Variants in HYDIN observed in about 807,000 individuals in gnomAD.
HYDIN encodes the protein HYDIN axonemal central pair apparatus protein, also known as axonemal central pair apparatus protein HYDIN.
HYDIN carries 132 observed loss-of-function variants against 403.9 expected under a neutral mutation model. The ratio of observed to expected loss-of-function variants is 0.33; its 90% CI spans 0.28 to 0.38. The LOEUF (loss-of-function observed/expected upper bound fraction) is 0.38, where lower values mean the gene tolerates loss of function less well. Among genes scored for constraint, HYDIN ranks in the 10% least tolerant of loss-of-function variants. The probability of loss-of-function intolerance (pLI) is 1.00; values close to 1 mark genes in which losing one functional copy is unlikely to be tolerated. For missense variants in HYDIN, 2,827 were observed against 5,009.5 expected (o/e 0.56, Z 13.15); for synonymous variants, 1,202 against 1,891.7 (o/e 0.64, Z 9.46).
intron 50 of HYDIN, among the ~76,000 whole-genome samples, chr16:70,904,481 T>C (rs2076475237): frequency 4.7e-5 from 1 of 21,192 alleles, no homozygotes; most frequent in Non-Finnish European, 8.7e-5. Context: ...TGAGTAACTT[T>C]TTTTTTTTTT....
chr16:70,916,904 C>T (rs1220152800), intron 47 of HYDIN, among the ~76,000 whole-genome samples: 4 of 151,318 alleles, frequency 2.6e-5, no homozygotes, highest in African/African-American at 9.7e-5. Flanking sequence ...TCCCCTCTCT[C>T]TCTTCTATTC....
intron 7 of HYDIN, among the ~76,000 whole-genome samples, chr16:71,138,212 G>A (rs979471345): frequency 2.6e-5 from 3 of 113,332 alleles, no homozygotes; most frequent in African/African-American, 1.3e-4. Context: ...AATAAATATC[G>A]AAATACCATG....
intron 10 of HYDIN, among the ~76,000 whole-genome samples, chr16:71,112,386 ACTGAT>A (rs1214516905): frequency 6.9e-6 from 1 of 144,320 alleles, no homozygotes; most frequent in Non-Finnish European, 1.5e-5. Flanking sequence ...TCAGGAGGTG[ACTGAT>A]CTGAATTAAA....
intron 5 of HYDIN, 97 bp downstream of exon 5, chr16:71,175,510 C>T (rs1412779915): frequency 1.1e-5 from 14 of 1,281,980 alleles, no homozygotes; most frequent in African/African-American, 1.5e-5. Flanking sequence ...CCACCACCAC[C>T]ACCACCACCA....
At chr16:70,909,275 A>C (rs1465242935) in intron 47 of HYDIN, among the ~76,000 whole-genome samples, 1 of 152,188 alleles carries the variant, frequency 6.6e-6, no homozygotes, top group Non-Finnish European at 1.5e-5. Flanking sequence ...ATACATGAAA[A>C]GAAAATCTTA....
intron 52 of HYDIN, among the ~76,000 whole-genome samples, chr16:70,902,674 A>G (rs1284714839): frequency 1.4e-5 from 2 of 148,030 alleles, no homozygotes; most frequent in African/African-American, 2.5e-5. Flanking sequence ...CCGAAGTCAC[A>G]GATTTAGTGG....
At position 70,803,172 on chromosome 16, in the gene HYDIN, C is replaced by T. The variant is rs1276372612; in HGVS notation, c.*4408G>A. Among the ~76,000 whole-genome samples the T allele has an allele frequency of 6.6e-6, 1 of 151,564 alleles. No individual in the cohort carries two copies. Among genetic ancestry groups the T allele is most frequent in the Non-Finnish European group, 1.5e-5 (1 of 67,892 alleles). Reference sequence around the variant, plus strand: ...CAAACAATAAGGAATTTTTTTTTTACCAGAAGTATTCTTTTCTCCTGAAAT... The same window carrying T: ...CAAACAATAAGGAATTTTTTTTTTATCAGAAGTATTCTTTTCTCCTGAAAT... On this transcript the variant is annotated 3_prime_UTR_variant, in exon 86 of 86. Coordinates refer to ENST00000393567, the MANE Select transcript of HYDIN (RefSeq NM_001270974.2).
At chr16:70,931,942 G>A (rs1318381760) in intron 45 of HYDIN, among the ~76,000 whole-genome samples, 3 of 137,858 alleles carry the variant, frequency 2.2e-5, no homozygotes, top group Non-Finnish European at 4.7e-5. Context: ...TTGAACCCAG[G>A]AGGTGGAGGT....
intron 84 of HYDIN, among the ~76,000 whole-genome samples, chr16:70,810,234 T>C (rs2035388893): frequency 6.6e-6 from 1 of 152,270 alleles, no homozygotes; most frequent in East Asian, 1.9e-4. Context: ...TCTATGAATC[T>C]AAGTGCAGGT....
intron 18 of HYDIN, among the ~76,000 whole-genome samples, chr16:71,034,893 GA>G (rs904636974): frequency 2.1e-5 from 3 of 144,328 alleles, no homozygotes; most frequent in South Asian, 2.2e-4. Context: ...CATAGAAATA[GA>G]AAAAAAAACA....
rs1214270431 is a variant in HYDIN at position 71,186,749 on chromosome 16, C to T, written c.135+12G>A. 23 of 1,606,110 alleles carry T rather than the reference C, an allele frequency of 1.4e-5. No homozygotes were observed. The highest frequency in any genetic ancestry group is 2.2e-5 in the South Asian group (2 of 90,028). On this transcript the variant is annotated intron_variant, in intron 2 of 85. Transcript: ENST00000393567. ...ATTAAGTATTTTACATATTAATTCC[C>T]GGATACATTACCATTCGGTTTACTT...
chr16:71,024,346 G>A (rs915791697), intron 21 of HYDIN, among the ~76,000 whole-genome samples: 1 of 152,060 alleles, frequency 6.6e-6, no homozygotes, highest in African/African-American at 2.4e-5. Context: ...CCCCTCCCTT[G>A]TCACCAGACT....
chr16:70,927,528 T>C (rs1213378655), intron 45 of HYDIN, among the ~76,000 whole-genome samples: 12 of 151,528 alleles, frequency 7.9e-5, no homozygotes, highest in Admixed American at 7.9e-4. Flanking sequence ...TAAACTGTCC[T>C]GGGCTGCTAC....
intron 1 of HYDIN, among the ~76,000 whole-genome samples, chr16:71,224,850 C>T (rs550197165): frequency 2.4e-4 from 36 of 152,180 alleles, no homozygotes; most frequent in African/African-American, 7.7e-4. Context: ...CGTGAGCCAC[C>T]GCGCCCGGCC....
Position 71,184,949 on chromosome 16 carries a change from G to A in HYDIN, c.177C>T (p.Thr59=), listed in dbSNP as rs376575979. 137 of 1,610,140 alleles carry A rather than the reference G, an allele frequency of 8.5e-5. No individual in the cohort carries two copies. The highest frequency in any genetic ancestry group is 9.9e-5 in the Non-Finnish European group (116 of 1,177,298). The change falls in exon 3 of 86, where the codon ACC becomes ACT. Residue 59 remains threonine (T), a synonymous_variant. Transcript: ENST00000393567. ...SEFLKEMSLT[T]EQRLAKTRLM... ...AACGTGTTTTTGCCAGTCTCTGCTCGGTGGTCAGGGACATTTCCTTCAGGA... is the reference window on the plus strand; with the variant it reads ...AACGTGTTTTTGCCAGTCTCTGCTCAGTGGTCAGGGACATTTCCTTCAGGA...
At chr16:70,823,807 A>T (rs1057094597) in intron 83 of HYDIN, among the ~76,000 whole-genome samples, 3 of 146,752 alleles carry the variant, frequency 2.0e-5, no homozygotes, top group African/African-American at 7.6e-5. Context: ...CTGGTGTCCT[A>T]CCCTGTAGAG....
intron 1 of HYDIN, chr16:71,203,669 A>G: frequency 4.4e-6 from 2 of 451,104 alleles, no homozygotes; most frequent in Admixed American, 2.4e-5. Flanking sequence ...AGGTAATTCC[A>G]TACACAAATT....
At chr16:70,998,200 G>A (rs1359088545) in intron 23 of HYDIN, among the ~76,000 whole-genome samples, 4 of 152,246 alleles carry the variant, frequency 2.6e-5, no homozygotes, top group African/African-American at 9.6e-5. Context: ...ACAGTGCCCT[G>A]CACAATTACC....
At chr16:71,028,099 A>C (rs1315811520) in intron 19 of HYDIN, among the ~76,000 whole-genome samples, 3 of 150,354 alleles carry the variant, frequency 2.0e-5, no homozygotes, top group Non-Finnish European at 3.0e-5. Flanking sequence ...CACTCCCCGT[A>C]AGTCTTCCCC....
Sources: gnomAD v4.1 joint callset for allele counts (sites outside exome capture counted in the v4.1 genomes callset) on GRCh38, gnomAD v4.1.1 for gene constraint, MANE v1.5 for transcripts, NCBI Gene and HGNC (gene_info 2026-07-23, HGNC 2026-07-21) for gene names.